LRRTM4: variants seen among roughly 807,000 people sequenced by gnomAD.
LRRTM4 encodes the protein leucine-rich repeat transmembrane neuronal protein 4.
A neutral mutation model predicts 47.6 loss-of-function variants in LRRTM4; 25 were observed. The ratio of observed to expected loss-of-function variants is 0.53; its 90% CI spans 0.38 to 0.73. The LOEUF (loss-of-function observed/expected upper bound fraction) is 0.73, where lower values mean the gene tolerates loss of function less well. Among genes scored for constraint, LRRTM4 ranks in the 30% least tolerant of loss-of-function variants. The pLI is 0.00. For synonymous variants in LRRTM4, 311 were observed against 269.5 expected (o/e 1.15, Z -1.51); for missense variants, 638 against 713.4 (o/e 0.89, Z 1.20).
At chr2:76,768,086 G>C (rs1487106427) in intron 3 of LRRTM4, among the ~76,000 whole-genome samples, 1 of 152,076 alleles carries the variant, frequency 6.6e-6, no homozygotes, top group Non-Finnish European at 1.5e-5. Flanking sequence ...GAAAAAGCAG[G>C]TTTTAATTTA....
At chr2:77,068,605 GTTC>G (rs1384891841) in intron 3 of LRRTM4, among the ~76,000 whole-genome samples, 3 of 151,904 alleles carry the variant, frequency 2.0e-5, no homozygotes, top group African/African-American at 7.3e-5. Context: ...TGTTTTCAAC[GTTC>G]TTCTATGTTA....
chr2:77,237,990 G>C (rs1029872740), intron 3 of LRRTM4, among the ~76,000 whole-genome samples: 3 of 152,080 alleles, frequency 2.0e-5, no homozygotes, highest in African/African-American at 7.2e-5. Flanking sequence ...TATGGGTATG[G>C]GGTGGGGAGG....
intron 3 of LRRTM4, among the ~76,000 whole-genome samples, chr2:77,130,751 TC>T (rs1488128920): frequency 6.7e-6 from 1 of 148,992 alleles, no homozygotes; most frequent in African/African-American, 2.5e-5. Flanking sequence ...GACCTCATGA[TC>T]CGCCCACCTC....
intron 3 of LRRTM4, among the ~76,000 whole-genome samples, chr2:77,373,635 A>G (rs1672729298): frequency 6.6e-6 from 1 of 151,922 alleles, no homozygotes; most frequent in African/African-American, 2.4e-5. Flanking sequence ...AAAAATAGGA[A>G]TTTGACAAAG....
chr2:77,039,614 A>G (rs1303185523), intron 3 of LRRTM4, among the ~76,000 whole-genome samples: 1 of 151,326 alleles, frequency 6.6e-6, no homozygotes, highest in Non-Finnish European at 1.5e-5. Context: ...CTTATTTTAC[A>G]ATGATGAAAA....
chr2:77,498,164 G>C (rs1008954632), intron 3 of LRRTM4, among the ~76,000 whole-genome samples: 1 of 151,706 alleles, frequency 6.6e-6, no homozygotes, highest in Admixed American at 6.6e-5. Flanking sequence ...GTTCAGATTT[G>C]TTCAGATTTC....
At chr2:76,776,624 A>C (rs1255022551) in intron 3 of LRRTM4, among the ~76,000 whole-genome samples, 8 of 151,594 alleles carry the variant, frequency 5.3e-5, no homozygotes, top group Admixed American at 5.3e-4. Context: ...TTTCTTGTAA[A>C]TTTGTTTGAG....
At chr2:77,107,812 C>A (rs1396295062) in intron 3 of LRRTM4, among the ~76,000 whole-genome samples, 2 of 114,634 alleles carry the variant, frequency 1.7e-5, no homozygotes, top group African/African-American at 3.9e-5. Context: ...GAGTGAAAAT[C>A]CAACTCAAAA....
chr2:76,829,412 T>C (rs1671272867), intron 3 of LRRTM4, among the ~76,000 whole-genome samples: 1 of 151,930 alleles, frequency 6.6e-6, no homozygotes, highest in South Asian at 2.1e-4. Flanking sequence ...GGATTCGGTT[T>C]AATCCTACTC....
At chr2:77,447,286 T>C (rs1035493763) in intron 3 of LRRTM4, among the ~76,000 whole-genome samples, 1 of 152,134 alleles carries the variant, frequency 6.6e-6, no homozygotes, top group Non-Finnish European at 1.5e-5. Context: ...TGTTTGTGTG[T>C]GTGTGTATTG....
chr2:77,432,870 TCTC>T (rs1385845607), intron 3 of LRRTM4, among the ~76,000 whole-genome samples: 8 of 152,180 alleles, frequency 5.3e-5, no homozygotes, highest in Admixed American at 5.2e-4. Flanking sequence ...AAGTAAGACT[TCTC>T]CTTTCAATAC....
chr2:77,072,169 T>A (rs1228624983), intron 3 of LRRTM4, among the ~76,000 whole-genome samples: 1 of 152,122 alleles, frequency 6.6e-6, no homozygotes, highest in Non-Finnish European at 1.5e-5. Flanking sequence ...TCTATGGTGT[T>A]AATTTAAGAT....
chr2:76,821,610 A>G (rs1448269674), intron 3 of LRRTM4, among the ~76,000 whole-genome samples: 2 of 151,702 alleles, frequency 1.3e-5, no homozygotes, highest in Non-Finnish European at 3.0e-5. Flanking sequence ...AAAAATAACC[A>G]ATATCAACAC....
chr2:76,877,144 T>C (rs1246581557), intron 3 of LRRTM4, among the ~76,000 whole-genome samples: 1 of 152,112 alleles, frequency 6.6e-6, no homozygotes, highest in Non-Finnish European at 1.5e-5. Flanking sequence ...TTTCATCTTA[T>C]TTTGAGCAGT....
intron 3 of LRRTM4, among the ~76,000 whole-genome samples, chr2:77,311,023 T>G (rs534193277): frequency 6.6e-6 from 1 of 151,580 alleles, no homozygotes; most frequent in East Asian, 1.9e-4. Context: ...ATTATGTGTG[T>G]GGTGTGTGTG....
intron 3 of LRRTM4, among the ~76,000 whole-genome samples, chr2:76,848,963 C>G (rs1037768768): frequency 8.5e-5 from 13 of 152,140 alleles, no homozygotes; most frequent in Non-Finnish European, 1.8e-4. Context: ...CAAATATCCA[C>G]TGGTGACAGG....
At chr2:76,776,364 A>G (rs1368198653) in intron 3 of LRRTM4, among the ~76,000 whole-genome samples, 2 of 152,164 alleles carry the variant, frequency 1.3e-5, no homozygotes, top group Non-Finnish European at 2.9e-5. Context: ...ACTAGTTTAC[A>G]GTCCCACCAA....
At chr2:77,439,206 C>A (rs1675734134) in intron 3 of LRRTM4, among the ~76,000 whole-genome samples, 1 of 152,134 alleles carries the variant, frequency 6.6e-6, no homozygotes, top group African/African-American at 2.4e-5. Context: ...GCAAATAAAT[C>A]AAATCAAATG....
At chr2:77,052,708 T>C (rs1342468158) in intron 3 of LRRTM4, among the ~76,000 whole-genome samples, 1 of 149,204 alleles carries the variant, frequency 6.7e-6, no homozygotes, top group African/African-American at 2.6e-5. Flanking sequence ...AAGAACGTGT[T>C]TGTGTGCGTA....
Sources: allele counts gnomAD v4.1 joint callset (sites outside exome capture counted in the v4.1 genomes callset), GRCh38; gene constraint gnomAD v4.1.1; transcripts MANE v1.5; gene names NCBI Gene and HGNC (gene_info 2026-07-23, HGNC 2026-07-21).